Variants in KLF8 observed in about 807,000 individuals in gnomAD.
KLF8 encodes the protein Krueppel-like factor 8.
In KLF8, 10 loss-of-function variants were observed where a neutral mutation model predicts 18.2. The ratio of observed to expected loss-of-function variants is 0.55; its 90% CI spans 0.34 to 0.93. KLF8 has a LOEUF of 0.93. KLF8 is among the 40% of genes least tolerant of loss of function. The pLI is 0.02. For synonymous variants in KLF8, 109 were observed against 97.3 expected, an observed-to-expected ratio of 1.12 and a Z score of -0.71; for missense variants, 264 against 277.9, an observed-to-expected ratio of 0.95 and a Z score of 0.36.
the KLF8 span, among the ~76,000 whole-genome samples, chrX:56,211,058 G>A: frequency 9.0e-6 from 1 of 111,299 alleles, no homozygotes. Context: ...ATTTGGAGAA[G>A]TTATGTTTTC....
the KLF8 span, among the ~76,000 whole-genome samples, chrX:56,136,438 G>T: frequency 9.0e-6 from 1 of 110,782 alleles, no homozygotes; most frequent in African/African-American, 3.3e-5. Flanking sequence ...AGAGCCCTCA[G>T]AAATAACGCC....
At chrX:56,137,792 A>G in the KLF8 span, among the ~76,000 whole-genome samples, 1 of 109,651 alleles carries the variant, frequency 9.1e-6, no homozygotes, top group Non-Finnish European at 1.9e-5. Flanking sequence ...AAAAAAAAGA[A>G]AAAAGAAAAA....
the KLF8 span, among the ~76,000 whole-genome samples, chrX:55,949,858 C>T: frequency 7.2e-5 from 8 of 110,486 alleles, no homozygotes; most frequent in African/African-American, 1.6e-4. Flanking sequence ...AGGACTCTCC[C>T]GGGACAAATG....
At chrX:56,133,625 C>T in the KLF8 span, among the ~76,000 whole-genome samples, 1 of 111,446 alleles carries the variant, frequency 9.0e-6, no homozygotes, top group Non-Finnish European at 1.9e-5. Context: ...TGCCCACTCT[C>T]ACCACTTTTA....
At chrX:56,144,678 G>T in the KLF8 span, among the ~76,000 whole-genome samples, 1 of 103,976 alleles carries the variant, frequency 9.6e-6, no homozygotes, top group Non-Finnish European at 2.0e-5. Context: ...GCTTGAACCC[G>T]GGAGGTGGAG....
At chrX:56,087,345 A>G in the KLF8 span, among the ~76,000 whole-genome samples, 1 of 110,673 alleles carries the variant, frequency 9.0e-6, no homozygotes, top group East Asian at 2.8e-4. Context: ...TTTCTCATGA[A>G]TGGTTTAGCC....
the KLF8 span, among the ~76,000 whole-genome samples, chrX:56,174,250 T>C: frequency 1.8e-5 from 2 of 111,761 alleles, no homozygotes; most frequent in Non-Finnish European, 3.8e-5. Flanking sequence ...GATAGCTCTT[T>C]TTATTTGGAG....
chrX:56,170,029 C>A, the KLF8 span, among the ~76,000 whole-genome samples: 1 of 110,958 alleles, frequency 9.0e-6, no homozygotes, highest in Non-Finnish European at 1.9e-5. Context: ...AAGGGAAGTA[C>A]ACAAGAGTCT....
At chrX:56,267,874 C>A (rs2066991752) in intron 3 of KLF8, 5 of 111,012 alleles carry the variant, frequency 4.5e-5, no homozygotes, top group Non-Finnish European at 5.7e-5. Context: ...ACTTGCCTTG[C>A]TATACAATAG....
At chrX:56,080,987 T>C in the KLF8 span, among the ~76,000 whole-genome samples, 383 of 111,158 alleles carry the variant, frequency 3.4e-3, 1 homozygote, top group Non-Finnish European at 5.7e-3. Context: ...CGAGCCTTGG[T>C]TTTCAGCTCC....
At chrX:56,053,099 T>C in the KLF8 span, among the ~76,000 whole-genome samples, 4 of 112,181 alleles carry the variant, frequency 3.6e-5, no homozygotes, top group East Asian at 5.6e-4. Context: ...ACTTCCCAAG[T>C]GAGGCAATGC....
At chrX:56,003,557 TTGAGAGA>T in the KLF8 span, among the ~76,000 whole-genome samples, 91 of 111,802 alleles carry the variant, frequency 8.1e-4, no homozygotes, top group African/African-American at 2.8e-3. Flanking sequence ...TCTCTGTTTA[TTGAGAGA>T]ACAGGAAAAC....
At chrX:56,091,679 G>C in the KLF8 span, among the ~76,000 whole-genome samples, 2 of 110,724 alleles carry the variant, frequency 1.8e-5, no homozygotes, top group Non-Finnish European at 3.8e-5. Flanking sequence ...ATTTTTAGTA[G>C]AGAAAGGGTT....
At chrX:56,078,560 A>AT in the KLF8 span, among the ~76,000 whole-genome samples, 1 of 111,668 alleles carries the variant, frequency 9.0e-6, no homozygotes, top group African/African-American at 3.3e-5. Flanking sequence ...TTTATTGAGG[A>AT]TTTTTGCATC....
chrX:55,925,588 A>G, the KLF8 span, among the ~76,000 whole-genome samples: 1 of 111,929 alleles, frequency 8.9e-6, no homozygotes, highest in East Asian at 2.8e-4. Context: ...AGGCCCATAA[A>G]GAAATAGGTA....
chrX:56,121,737 G>A, the KLF8 span, among the ~76,000 whole-genome samples: 1 of 112,222 alleles, frequency 8.9e-6, no homozygotes, highest in Non-Finnish European at 1.9e-5. Flanking sequence ...CAGTACCTAT[G>A]TAAGTTTGAT....
the KLF8 span, among the ~76,000 whole-genome samples, chrX:56,189,449 G>A: frequency 2.7e-5 from 3 of 111,392 alleles, no homozygotes; most frequent in East Asian, 2.8e-4. Flanking sequence ...AACCCTTGTG[G>A]AAGTCATTGT....
At chrX:56,055,899 T>C in the KLF8 span, among the ~76,000 whole-genome samples, 1 of 112,169 alleles carries the variant, frequency 8.9e-6, no homozygotes, top group African/African-American at 3.2e-5. Flanking sequence ...TGTAGTGTGA[T>C]TTTCAGCTCT....
the KLF8 span, among the ~76,000 whole-genome samples, chrX:56,119,515 C>T: frequency 1.6e-3 from 181 of 110,462 alleles, no homozygotes; most frequent in Middle Eastern, 9.2e-3. Context: ...GCGATTCTCC[C>T]GTCTCAGCCT....
Sources: gnomAD v4.1 joint callset for allele counts (sites outside exome capture counted in the v4.1 genomes callset) on GRCh38, gnomAD v4.1.1 for gene constraint, MANE v1.5 for transcripts, NCBI Gene and HGNC (gene_info 2026-07-23, HGNC 2026-07-21) for gene names.